The following CEP72 variants were observed in gnomAD, a reference collection of about 807,000 sequenced individuals.
CEP72 encodes centrosomal protein of 72 kDa.
Under a neutral mutation model 65.7 loss-of-function variants are expected in CEP72, and 78 were observed. That is an observed-to-expected ratio of 1.19 (90% CI 0.99 to 1.43). The LOEUF is 1.43. Ranked by LOEUF, CEP72 falls within the 40% of genes most tolerant of loss-of-function variation. The pLI is 0.00. For missense variants in CEP72, 914 were observed against 832.9 expected (o/e 1.10, Z -1.20); for synonymous variants, 358 against 351.7 (o/e 1.02, Z -0.20).
chr5:635,465 G>A lies in CEP72; in HGVS notation c.785G>A (p.Gly262Glu), dbSNP rs768607281. 2.5e-6 allele frequency: 4 copies of A among 1,614,008 alleles called. No individual in the cohort carries two copies. The highest frequency in any genetic ancestry group is 3.4e-6 in the Non-Finnish European group (4 of 1,179,994). The change falls in exon 6 of 12, where the codon GGG (glycine) becomes GAG (glutamate). Residue 262 changes from glycine to glutamate, a missense_variant. By Grantham distance (98) the Gly-to-Glu change is moderately conservative. Transcript: ENST00000264935. The part of the protein sequence containing the change: ...GRETRRSSCR[G>E]CCLEKMPWSQ... ...GAGACGAGGAGGAGCAGCTGCAGAG[G>A]GTGCTGTCTGGAGAAGATGCCTTGG...
intron 1 of CEP72, among the ~76,000 whole-genome samples, chr5:618,419 A>T (rs376400671): frequency 2.1e-5 from 1 of 47,834 alleles, no homozygotes; most frequent in Non-Finnish European, 8.2e-5. Flanking sequence ...AATAGGACAC[A>T]TGTGTTAAAG....
At position 653,175 on chromosome 5, in the gene CEP72, ACCCC is replaced by A; in HGVS notation, c.*23_*26del. On this transcript the variant is annotated 3_prime_UTR_variant, in exon 12 of 12. Coordinates refer to ENST00000264935, the MANE Select transcript of CEP72 (RefSeq NM_018140.4). The stretch of plus-strand genomic sequence containing the variant: ...CTGACTCCTGCCGAGAAGCTGGGCC[ACCCC>A]TTAAGCTTCCTGGTAAAGTTACATT... 6.3e-7 allele frequency: 1 copy of A among 1,576,204 alleles called. No homozygotes were observed. The highest frequency in any genetic ancestry group is 1.8e-5 in the Admixed American group (1 of 54,738).
chr5:657,019 T>C (rs1386420491), downstream of CEP72: 1 of 152,274 alleles, frequency 6.6e-6, no homozygotes, highest in East Asian at 1.9e-4. Context: ...TCATTTAATA[T>C]ATTGATGTGT....
At chr5:643,392 A>G in intron 9 of CEP72, 6 of 985,440 alleles carry the variant, frequency 6.1e-6, no homozygotes, top group Non-Finnish European at 7.2e-6. Flanking sequence ...AGTCCGCGAA[A>G]TGAAGAACGG....
At chr5:649,547 CTG>C (rs1419999848) in intron 11 of CEP72, among the ~76,000 whole-genome samples, 4 of 106,412 alleles carry the variant, frequency 3.8e-5, no homozygotes, top group Admixed American at 1.0e-4. Context: ...TGAGGTGTGA[CTG>C]TGAGGTGTGA....
At chr5:653,715 G>A (rs1051511614), downstream of CEP72, among the ~76,000 whole-genome samples, 3 of 152,016 alleles carry the variant, frequency 2.0e-5, no homozygotes, top group Non-Finnish European at 4.4e-5. Flanking sequence ...TAAAAATATT[G>A]TCTTATGATA....
rs746933345 is a variant in CEP72 at position 619,048 on chromosome 5, AC to A, written c.142del (p.His48IlefsTer3). 3.1e-6 allele frequency: 5 copies of A among 1,613,150 alleles called. No homozygotes were observed. Among genetic ancestry groups the A allele is most frequent in the Non-Finnish European group, 4.2e-6 (5 of 1,179,200 alleles). ...TYQEKITHLG[H>X]SLMSLTGLKS... Reference sequence around the variant, plus strand: ...ACCAAGAGAAGATCACCCACCTGGGACATTCTCTGATGAGTTTAACAGGTCT... The same window carrying A: ...ACCAAGAGAAGATCACCCACCTGGGAATTCTCTGATGAGTTTAACAGGTCT... On this transcript the variant is annotated frameshift_variant, in exon 2 of 12. Transcript: ENST00000264935. LOFTEE classifies it high-confidence loss of function.
intron 2 of CEP72, among the ~76,000 whole-genome samples, chr5:619,838 A>G (rs748781296): frequency 2.0e-5 from 3 of 152,208 alleles, no homozygotes; most frequent in Admixed American, 1.3e-4. Flanking sequence ...GGTAGATATT[A>G]GCTGTGCTTA....
intron 4 of CEP72, among the ~76,000 whole-genome samples, chr5:666,438 C>T (rs1739917966): frequency 6.6e-6 from 1 of 152,250 alleles, no homozygotes; most frequent in Non-Finnish European, 1.5e-5. Context: ...CCGGGGCCAC[C>T]ACAGCCCCGC....
chr5:655,666 A>C (rs913213438), downstream of CEP72: 1 of 152,216 alleles, frequency 6.6e-6, no homozygotes, highest in Non-Finnish European at 1.5e-5. This position sits in a 1 kb window ranked among gnomAD's most constrained non-coding sequence, Gnocchi z 5.0. Flanking sequence ...CGTGTGGGGT[A>C]GACCTCTTTC....
intron 1 of CEP72, among the ~76,000 whole-genome samples, chr5:615,343 C>T (rs925148142): frequency 1.3e-5 from 2 of 152,098 alleles, no homozygotes; most frequent in African/African-American, 4.8e-5. Flanking sequence ...ACCATGTTGG[C>T]CAGGCTAGTC....
intron 4 of CEP72, among the ~76,000 whole-genome samples, chr5:632,761 G>T (rs1225895776): frequency 2.8e-5 from 1 of 35,138 alleles, no homozygotes; most frequent in East Asian, 1.2e-3. Context: ...GTTCTATCCA[G>T]TGCCGGGATT....
chr5:669,302 G>A (rs1407025311), downstream of CEP72, among the ~76,000 whole-genome samples: 1 of 151,950 alleles, frequency 6.6e-6, no homozygotes, highest in African/African-American at 2.4e-5. Context: ...GAGGTGCCCT[G>A]GGCAGCTCTG....
chr5:667,727 G>A (rs974030832), downstream of CEP72, among the ~76,000 whole-genome samples: 7 of 152,184 alleles, frequency 4.6e-5, no homozygotes, highest in African/African-American at 7.2e-5. Context: ...GTGAAAAGAC[G>A]GGCAGAATAT....
At chr5:673,063 C>T in the CEP72 span, among the ~76,000 whole-genome samples, 1 of 152,170 alleles carries the variant, frequency 6.6e-6, no homozygotes, top group African/African-American at 2.4e-5. Flanking sequence ...TCTGCAGTAC[C>T]GAAGGCCACT....
the CEP72 span, among the ~76,000 whole-genome samples, chr5:674,439 C>T: frequency 1.3e-5 from 2 of 150,878 alleles, no homozygotes; most frequent in Non-Finnish European, 1.5e-5. Flanking sequence ...CTGCGAACCC[C>T]ACCTGCTTCT....
chr5:668,397 T>TGCAGATGGAA (rs1561082205), downstream of CEP72, among the ~76,000 whole-genome samples: 1 of 99,358 alleles, frequency 1.0e-5, no homozygotes, highest in Non-Finnish European at 2.1e-5. Flanking sequence ...GTCAGGGAAG[T>TGCAGATGGAA]ACCGACAAGC....
chr5:632,115 A>T lies in CEP72; in HGVS notation c.513-1654A>T, dbSNP rs1242763619. On this transcript the variant is annotated intron_variant, in intron 4 of 11. Transcript: ENST00000264935. ...TCTGTCCAGTGCCGGGATTTAGACC[A>T]GTCCTGGTGGGGTTCTGTCCAGCGC... Among the ~76,000 whole-genome samples, 5 of 61,736 alleles carry T rather than the reference A, an allele frequency of 8.1e-5. No homozygotes were observed. In the Admixed American group the frequency reaches 8.4e-4, roughly 10 times the overall value. The allele number at this position is 61,736 out of a possible 152,430, so 40.5% of individuals were successfully genotyped here.
At position 612,345 on chromosome 5, in the gene CEP72, AG is replaced by A; in HGVS notation, c.-14del. 6.7e-7 allele frequency: 1 copy of A among 1,484,368 alleles called. No homozygotes were observed. The allele number at this position is 1,484,368 out of a possible 1,614,324, so 91.9% of individuals were successfully genotyped here. On this transcript the variant is annotated 5_prime_UTR_variant, in exon 1 of 12. Transcript: ENST00000264935. ...CCGCCCGCCGCGCAGGCGCCGTCCGAGGGCTCCGTTTGAAACATGGCGCGGG... is the reference window on the plus strand; with the variant it reads ...CCGCCCGCCGCGCAGGCGCCGTCCGAGGCTCCGTTTGAAACATGGCGCGGG...
Sources: allele counts gnomAD v4.1 joint callset (sites outside exome capture counted in the v4.1 genomes callset), GRCh38; gene constraint gnomAD v4.1.1; non-coding constraint Gnocchi (gnomAD v3.1); transcripts MANE v1.5; gene names NCBI Gene and HGNC (gene_info 2026-07-23, HGNC 2026-07-21).